LUZP2: variants seen among roughly 807,000 people sequenced by gnomAD.
LUZP2 encodes leucine zipper protein 2.
A neutral mutation model predicts 51.6 loss-of-function variants in LUZP2; 52 were observed. The observed-to-expected ratio is 1.01, with a 90% CI of 0.81 to 1.27. The LOEUF (loss-of-function observed/expected upper bound fraction) is 1.27. Ranked by LOEUF, LUZP2 falls within the 50% of genes most tolerant of loss-of-function variation. LUZP2 has a pLI of 0.00. For missense variants in LUZP2, 436 were observed against 395.4 expected, an observed-to-expected ratio of 1.10 and a Z score of -0.87; for synonymous variants, 154 against 137.3, an observed-to-expected ratio of 1.12 and a Z score of -0.85.
chr11:25,034,947 C>A (rs1857805661), intron 9 of LUZP2, among the ~76,000 whole-genome samples: 4 of 152,058 alleles, frequency 2.6e-5, no homozygotes, highest in Admixed American at 2.6e-4. Flanking sequence ...ATATGATCAT[C>A]TCAATAGATA....
At chr11:24,713,981 C>T (rs543252110) in intron 1 of LUZP2, among the ~76,000 whole-genome samples, 16 of 148,268 alleles carry the variant, frequency 1.1e-4, no homozygotes, top group African/African-American at 4.0e-4. Context: ...CAGGCATGAG[C>T]CACCATGCCT....
At chr11:24,848,064 CTTGGG>C (rs1564984101) in intron 5 of LUZP2, among the ~76,000 whole-genome samples, 1 of 151,982 alleles carries the variant, frequency 6.6e-6, no homozygotes, top group Non-Finnish European at 1.5e-5. Flanking sequence ...GAGAGAGTAT[CTTGGG>C]TTTCAGAGTG....
intron 9 of LUZP2, among the ~76,000 whole-genome samples, chr11:25,000,008 C>T (rs1050514130): frequency 1.8e-5 from 2 of 112,178 alleles, no homozygotes; most frequent in African/African-American, 5.3e-5. Context: ...TGGCCCCGCC[C>T]ATATCCTGCT....
intron 5 of LUZP2, among the ~76,000 whole-genome samples, chr11:24,819,038 T>C (rs1850276618): frequency 6.6e-6 from 1 of 152,110 alleles, no homozygotes; most frequent in South Asian, 2.1e-4. Context: ...TGATATTTTG[T>C]TTAAAAGTAT....
chr11:24,991,392 GTGTGTATATA>G (rs1175727106), intron 9 of LUZP2, among the ~76,000 whole-genome samples: 1 of 104,548 alleles, frequency 9.6e-6, no homozygotes, highest in Non-Finnish European at 1.9e-5. Flanking sequence ...GTGTGTGTGT[GTGTGTATATA>G]TATATATATA....
At chr11:25,015,162 T>C (rs1397198514) in intron 9 of LUZP2, among the ~76,000 whole-genome samples, 1 of 152,180 alleles carries the variant, frequency 6.6e-6, no homozygotes, top group African/African-American at 2.4e-5. Context: ...AGTCATGCTA[T>C]ATCCGTATAA....
intron 5 of LUZP2, among the ~76,000 whole-genome samples, chr11:24,809,628 C>T (rs12292678): frequency 0.016 from 2,447 of 152,088 alleles, 73 homozygotes; most frequent in African/African-American, 0.056. Context: ...GTGTGAGAAT[C>T]AACTTTCTGA....
chr11:24,520,860 C>G (rs771509469), intron 1 of LUZP2, among the ~76,000 whole-genome samples: 3 of 152,178 alleles, frequency 2.0e-5, no homozygotes, highest in Non-Finnish European at 2.9e-5. Flanking sequence ...CATCCTTAGG[C>G]CAACCACCAA....
chr11:25,003,223 T>C (rs1856740550), intron 9 of LUZP2, among the ~76,000 whole-genome samples: 1 of 152,180 alleles, frequency 6.6e-6, no homozygotes, highest in East Asian at 1.9e-4. Flanking sequence ...CCAGAGTGCC[T>C]GGACTTGAGA....
intron 5 of LUZP2, chr11:24,831,987 G>A (rs754301949): frequency 2.0e-5 from 3 of 152,506 alleles, no homozygotes; most frequent in Non-Finnish European, 4.4e-5. Context: ...TGTATCTCTA[G>A]TACCTAGAAT....
intron 1 of LUZP2, among the ~76,000 whole-genome samples, chr11:24,626,180 TC>T (rs1226248126): frequency 6.6e-6 from 1 of 152,114 alleles, no homozygotes; most frequent in Non-Finnish European, 1.5e-5. Flanking sequence ...ATGGCAGCCA[TC>T]TCAACTGTCT....
chr11:24,638,042 T>C (rs966385996), intron 1 of LUZP2, among the ~76,000 whole-genome samples: 6 of 151,838 alleles, frequency 4.0e-5, no homozygotes, highest in African/African-American at 1.5e-4. Context: ...ACTCTTTCTC[T>C]GTATTTTTCA....
chr11:24,721,508 T>C (rs1406468011), intron 1 of LUZP2, among the ~76,000 whole-genome samples: 1 of 152,140 alleles, frequency 6.6e-6, no homozygotes, highest in African/African-American at 2.4e-5. Flanking sequence ...GATAATAAAT[T>C]AGGATATAGA....
chr11:25,026,225 G>A (rs902846305), intron 9 of LUZP2, among the ~76,000 whole-genome samples: 1 of 151,896 alleles, frequency 6.6e-6, no homozygotes, highest in Non-Finnish European at 1.5e-5. Context: ...ACACCAACAT[G>A]GCACATGTAT....
intron 5 of LUZP2, among the ~76,000 whole-genome samples, chr11:24,854,157 G>T (rs1825723): frequency 0.2 from 30,317 of 152,164 alleles, 3,135 homozygotes; most frequent in African/African-American, 0.25. Flanking sequence ...TGTGCTGGGA[G>T]ATCTGCTGCT....
Position 24,861,657 on chromosome 11 carries a change from C to T in LUZP2, c.397-44334C>T, listed in dbSNP as rs10834510. Among the ~76,000 whole-genome samples, 1,402 of 152,092 alleles carry T rather than the reference C, an allele frequency of 9.2e-3. 9 individuals carry two copies. Among genetic ancestry groups the T allele is most frequent in the Non-Finnish European group, 0.015 (1,052 of 67,996 alleles). On this transcript the variant is annotated intron_variant, in intron 5 of 11. Coordinates refer to ENST00000336930, the MANE Select transcript of LUZP2 (RefSeq NM_001009909.4). ...TAGGGGACTGCCCGCCACTAGTGGCCGAAGAATGAGCAGTCCCAAACAGCT... is the reference window on the plus strand; with the variant it reads ...TAGGGGACTGCCCGCCACTAGTGGCTGAAGAATGAGCAGTCCCAAACAGCT...
intron 7 of LUZP2, among the ~76,000 whole-genome samples, chr11:24,926,503 G>GTGTGTGTATATATATGTGTATATA (rs1565120204): frequency 5.1e-5 from 5 of 98,198 alleles, no homozygotes; most frequent in African/African-American, 2.2e-4. Context: ...GTGTATATAT[G>GTGTGTGTATATATATGTGTATATA]TGTGTGTATA....
intron 5 of LUZP2, among the ~76,000 whole-genome samples, chr11:24,837,634 G>T (rs1429136116): frequency 6.6e-6 from 1 of 151,636 alleles, no homozygotes; most frequent in Non-Finnish European, 1.5e-5. Flanking sequence ...ATAGAATCAA[G>T]CTTTGAGGAC....
At chr11:24,998,503 G>T (rs1856576493) in intron 9 of LUZP2, among the ~76,000 whole-genome samples, 1 of 152,158 alleles carries the variant, frequency 6.6e-6, no homozygotes, top group Non-Finnish European at 1.5e-5. Context: ...TTGCTTATCA[G>T]CTTAAGGAGA....
Sources: gnomAD v4.1 joint callset for allele counts (sites outside exome capture counted in the v4.1 genomes callset) on GRCh38, gnomAD v4.1.1 for gene constraint, MANE v1.5 for transcripts, NCBI Gene and HGNC (gene_info 2026-07-23, HGNC 2026-07-21) for gene names.